Variants in NFIB observed in about 807,000 individuals in gnomAD.
The protein encoded by NFIB is nuclear factor I B, also known as nuclear factor 1 B-type.
In NFIB, 11 loss-of-function variants were observed where a neutral mutation model predicts 61.5. The ratio of observed to expected loss-of-function variants is 0.18; its 90% confidence interval spans 0.11 to 0.30. The LOEUF is 0.30. Among genes scored for constraint, NFIB ranks in the 10% least tolerant of loss-of-function variants. NFIB has a pLI of 1.00. For missense variants in NFIB, 471 were observed against 608.9 expected (o/e 0.77, Z 2.38); for synonymous variants, 260 against 216.5 (o/e 1.20, Z -1.76).
At chr9:14,144,377 G>C (rs7868947) in intron 6 of NFIB, among the ~76,000 whole-genome samples, 2 of 151,974 alleles carry the variant, frequency 1.3e-5, no homozygotes, top group African/African-American at 4.8e-5. Context: ...TTCTGACAAG[G>C]AAAGTATGGC....
chr9:14,180,458 A>G (rs1314764007), intron 2 of NFIB, among the ~76,000 whole-genome samples: 1 of 152,206 alleles, frequency 6.6e-6, no homozygotes, highest in Non-Finnish European at 1.5e-5. Flanking sequence ...AAGGAGGAAG[A>G]GATCAATGTC....
intron 10 of NFIB, among the ~76,000 whole-genome samples, chr9:14,112,769 A>T (rs1470561890): frequency 6.6e-6 from 1 of 152,222 alleles, no homozygotes; most frequent in African/African-American, 2.4e-5. Flanking sequence ...CATGGATGTT[A>T]TCAATATATG....
At chr9:14,529,162 TA>T in the NFIB span, among the ~76,000 whole-genome samples, 1 of 152,186 alleles carries the variant, frequency 6.6e-6, no homozygotes, top group Non-Finnish European at 1.5e-5. Flanking sequence ...CCCTCTGTTT[TA>T]CTAAAACATG....
intron 3 of NFIB, among the ~76,000 whole-genome samples, chr9:14,158,832 G>T (rs559195952): frequency 6.6e-6 from 1 of 152,300 alleles, no homozygotes; most frequent in South Asian, 2.1e-4. Context: ...AATGTGTAAT[G>T]TCAAGCATTT....
intron 10 of NFIB, among the ~76,000 whole-genome samples, chr9:14,104,749 T>TA (rs760716241): frequency 2.6e-3 from 363 of 139,864 alleles, no homozygotes; most frequent in Middle Eastern, 3.7e-3. Context: ...CCTGGCTAAT[T>TA]AAAAAAAAAA....
intron 1 of NFIB, among the ~76,000 whole-genome samples, chr9:14,322,734 G>A (rs1347109273): frequency 4.0e-5 from 6 of 151,878 alleles, no homozygotes; most frequent in Non-Finnish European, 7.4e-5. Context: ...AGGCGGGAGC[G>A]GGCCCGAGTG....
At chr9:14,174,979 C>T (rs893757432) in intron 3 of NFIB, among the ~76,000 whole-genome samples, 16 of 151,926 alleles carry the variant, frequency 1.1e-4, no homozygotes, top group East Asian at 5.8e-4. Flanking sequence ...AAGCAAATAT[C>T]GGCTCTAGTG....
At chr9:14,190,749 T>TA (rs2047859431) in intron 2 of NFIB, among the ~76,000 whole-genome samples, 2 of 152,104 alleles carry the variant, frequency 1.3e-5, no homozygotes. Flanking sequence ...TTCCTTTTTG[T>TA]AAAAAGAGAA....
At chr9:14,523,548 GA>G in the NFIB span, among the ~76,000 whole-genome samples, 3 of 152,038 alleles carry the variant, frequency 2.0e-5, no homozygotes, top group Non-Finnish European at 4.4e-5. Flanking sequence ...GAATTATGGG[GA>G]AATGACTGAA....
the NFIB span, among the ~76,000 whole-genome samples, chr9:14,464,366 A>G: frequency 6.6e-6 from 1 of 152,094 alleles, no homozygotes; most frequent in African/African-American, 2.4e-5. Context: ...GATATATTTT[A>G]TTATCTCTTA....
the NFIB span, among the ~76,000 whole-genome samples, chr9:14,509,447 A>G: frequency 6.6e-6 from 1 of 152,196 alleles, no homozygotes; most frequent in Admixed American, 6.5e-5. Context: ...CAAAACTTCA[A>G]TGGTGAAAAA....
intron 1 of NFIB, among the ~76,000 whole-genome samples, chr9:14,383,845 T>A (rs1253706373): frequency 6.6e-6 from 1 of 152,142 alleles, no homozygotes; most frequent in East Asian, 1.9e-4. Flanking sequence ...TAAAAGTCAG[T>A]GGGAAAGAAC....
chr9:14,244,503 A>G (rs747507848), intron 2 of NFIB, among the ~76,000 whole-genome samples: 1 of 152,160 alleles, frequency 6.6e-6, no homozygotes, highest in Non-Finnish European at 1.5e-5. Flanking sequence ...AGCTAATGGG[A>G]ATGAGTATAG....
intron 1 of NFIB, chr9:14,321,955 G>A: frequency 8.1e-7 from 1 of 1,231,326 alleles, no homozygotes; most frequent in Non-Finnish European, 1.0e-6. Flanking sequence ...GCACTGTATT[G>A]CATTAAATAA....
chr9:14,263,431 A>C (rs1028401595), intron 2 of NFIB, among the ~76,000 whole-genome samples: 2 of 152,204 alleles, frequency 1.3e-5, no homozygotes, highest in Non-Finnish European at 2.9e-5. Flanking sequence ...CTTGTTTTTA[A>C]AAGTCTGTTT....
chr9:14,183,996 A>T (rs1359342011), intron 2 of NFIB, among the ~76,000 whole-genome samples: 2 of 152,216 alleles, frequency 1.3e-5, no homozygotes, highest in Non-Finnish European at 2.9e-5. Context: ...CAGGAACAAG[A>T]AAAGGTTCAC....
chr9:14,178,070 T>C (rs965621499), intron 3 of NFIB, among the ~76,000 whole-genome samples: 19 of 152,160 alleles, frequency 1.2e-4, no homozygotes, highest in Non-Finnish European at 2.4e-4. Context: ...AACATATCCG[T>C]TGTTTAGTCC....
In NFIB at chr9:14,313,464, A is replaced by G. The variant is rs1406951264; in HGVS notation, c.30+18T>C. ...TCGGGCCAGAGAGAAAGCTCGAGAA[A>G]GCGACCGAGACATGTACCTGAGTGA... On this transcript the variant is annotated intron_variant, in intron 1 of 10. Transcript: ENST00000380953. The surrounding 1 kb of genome is among the most constrained non-coding windows in gnomAD (Gnocchi z 4.5). The G allele has an allele frequency of 1.2e-6, 2 of 1,613,872 alleles. No individual in the cohort carries two copies. Among genetic ancestry groups the G allele is most frequent in the Non-Finnish European group, 1.7e-6 (2 of 1,179,868 alleles).
intron 10 of NFIB, among the ~76,000 whole-genome samples, chr9:14,091,008 C>T (rs2033814803): frequency 6.6e-6 from 1 of 151,908 alleles, no homozygotes; most frequent in Non-Finnish European, 1.5e-5. Flanking sequence ...CTGCAGAATG[C>T]CTACCAAATT....
Sources: allele counts gnomAD v4.1 joint callset (sites outside exome capture counted in the v4.1 genomes callset), GRCh38; gene constraint gnomAD v4.1.1; non-coding constraint Gnocchi (gnomAD v3.1); transcripts MANE v1.5; gene names NCBI Gene and HGNC (gene_info 2026-07-23, HGNC 2026-07-21).